Variants in CHD2 observed in about 807,000 individuals in gnomAD.
CHD2 encodes the protein ATP-dependent chromatin remodeler CHD2.
In CHD2, 28 loss-of-function variants were observed where a neutral mutation model predicts 243.9. That is an observed-to-expected ratio of 0.11 (90% CI 0.09 to 0.16). The LOEUF is 0.16. Ranked by LOEUF, CHD2 falls within the 10% of genes least tolerant of loss-of-function variation. The pLI, the probability that CHD2 is intolerant of heterozygous loss-of-function variation, is 1.00. For synonymous variants in CHD2, 775 were observed against 779.0 expected (o/e 0.99, Z 0.09); for missense variants, 1,386 against 2,209.8 (o/e 0.63, Z 7.47).
chr15:92,914,168 C>G (rs1042854124), intron 2 of CHD2, among the ~76,000 whole-genome samples: 1 of 152,226 alleles, frequency 6.6e-6, no homozygotes, highest in African/African-American at 2.4e-5. Context: ...ATTGGTCCAT[C>G]TGTCCTTAGG....
chr15:92,955,027 T>C (rs888693996), intron 14 of CHD2, among the ~76,000 whole-genome samples: 5 of 152,222 alleles, frequency 3.3e-5, no homozygotes, highest in Non-Finnish European at 7.3e-5. Flanking sequence ...TGGAATTTGT[T>C]TTACTTGTTA....
chr15:92,974,893 C>T lies in CHD2; in HGVS notation c.2520C>T (p.Ser840=), dbSNP rs1193801876. The T allele has an allele frequency of 1.2e-6, 2 of 1,613,730 alleles. No individual in the cohort carries two copies. Among genetic ancestry groups the T allele is most frequent in the Non-Finnish European group, 1.7e-6 (2 of 1,179,656 alleles). Residue 840 remains serine, a synonymous_variant, in exon 20 of 39, where the codon TCC becomes TCT. Transcript: ENST00000394196. ...TATTTTTACAGCGTCTGGATGGTTC[C>T]ATCAAGGGAGAAATCCGAAAACAGG... The part of the protein sequence containing the change: ...KHYPFQRLDG[S]IKGEIRKQAL...
intron 37 of CHD2, 112 bp downstream of exon 37, chr15:93,015,021 C>CA: frequency 2.5e-6 from 2 of 805,068 alleles, no homozygotes; most frequent in Admixed American, 2.5e-5. Flanking sequence ...TATCTTCTAA[C>CA]ACTTTATTGT....
chr15:93,000,695 A>T, intron 32 of CHD2, 55 bp downstream of exon 32: 4 of 1,533,066 alleles, frequency 2.6e-6, no homozygotes, highest in East Asian at 2.3e-5. Context: ...TATACTTATC[A>T]TGCCAGCTGG....
chr15:92,956,358 A>T (rs1465069077), intron 15 of CHD2, 101 bp from the exon 16 acceptor site: 6 of 836,188 alleles, frequency 7.2e-6, no homozygotes, highest in Non-Finnish European at 1.2e-5. Context: ...GTGTCAATTT[A>T]TACCTTTGTA....
intron 7 of CHD2, 121 bp downstream of exon 7, chr15:92,939,839 A>C (rs972636104): frequency 9.3e-7 from 1 of 1,071,310 alleles, no homozygotes; most frequent in South Asian, 1.7e-5. Flanking sequence ...TATGTCCTGA[A>C]GTTGTTTTCA....
chr15:92,927,166 C>T (rs1027688208), intron 3 of CHD2, 78 bp from the exon 4 acceptor site: 2 of 1,053,114 alleles, frequency 1.9e-6, no homozygotes, highest in Non-Finnish European at 2.9e-6. Context: ...CTTGAATTCT[C>T]TTCAATTGCA....
chr15:92,935,726 T>A (rs539339247), intron 5 of CHD2, among the ~76,000 whole-genome samples: 1 of 152,336 alleles, frequency 6.6e-6, no homozygotes, highest in Non-Finnish European at 1.5e-5. Context: ...TTCCTGGTGA[T>A]CACCTTATAT....
rs2053550310 is a variant in CHD2, at chr15:92,951,249, CA to C, written c.1503-2106del. On this transcript the variant is annotated intron_variant, in intron 13 of 38. Coordinates refer to ENST00000394196, the MANE Select transcript of CHD2 (RefSeq NM_001271.4). ...GCAGTGGCATGATCTTGGCTCACTG[CA>C]ACCTCCGATTCCCAGGTTCACGTGA... 3.3e-5 allele frequency among the ~76,000 whole-genome samples: 5 copies of C among 152,270 alleles called. No individual in the cohort carries two copies. In the South Asian group the frequency reaches 1.0e-3, roughly 32 times the overall value.
At chr15:93,016,244 AAGTG>A (rs2054458882) in intron 37 of CHD2, among the ~76,000 whole-genome samples, 1 of 152,256 alleles carries the variant, frequency 6.6e-6, no homozygotes, top group African/African-American at 2.4e-5. Context: ...TAAGTGAAAT[AAGTG>A]AGGCACAGAA....
chr15:92,949,758 C>A (rs538503766), intron 13 of CHD2, among the ~76,000 whole-genome samples: 1 of 152,186 alleles, frequency 6.6e-6, no homozygotes, highest in Non-Finnish European at 1.5e-5. Flanking sequence ...GCTTGTTCCT[C>A]GGTGCTGAAA....
In CHD2 at chr15:93,024,862, C is replaced by T. The variant is rs2054573347; in HGVS notation, c.*157C>T. ...AAGGAGCACTTCAAGGAATGGGAGG[C>T]CTTTCACTGGGTCCAGCTCTGATTC... On this transcript the variant is annotated 3_prime_UTR_variant, in exon 39 of 39. Transcript: ENST00000394196. 3.1e-6 allele frequency: 2 copies of T among 655,386 alleles called. No homozygotes were observed. The highest frequency in any genetic ancestry group is 5.6e-5 in the East Asian group (2 of 35,688). The allele number at this position is 655,386 out of a possible 1,614,324, so 40.6% of individuals were successfully genotyped here. A position where few individuals can be genotyped will look rare whatever the true frequency, so the allele number is the denominator to read the frequency against.
At chr15:92,992,075 GTACTT>G (rs1387920693) in intron 27 of CHD2, among the ~76,000 whole-genome samples, 1 of 152,130 alleles carries the variant, frequency 6.6e-6, no homozygotes, top group South Asian at 2.1e-4. Flanking sequence ...AAATGGTTCG[GTACTT>G]TACTTCCTAT....
At chr15:92,992,714 G>T (rs1291023296) in intron 27 of CHD2, 145 bp from the exon 28 acceptor site, 10 of 888,162 alleles carry the variant, frequency 1.1e-5, no homozygotes, top group Non-Finnish European at 1.5e-5. Flanking sequence ...AGGGGTTCTT[G>T]TTGGAGCCTT....
rs144407144 is a variant in CHD2 at position 92,939,872 on chromosome 15, A to G, written c.692+154A>G. Among the ~76,000 whole-genome samples, 1,224 of 152,330 alleles carry G rather than the reference A, an allele frequency of 8.0e-3. 54 individuals carry two copies. Among genetic ancestry groups the G allele is most frequent in the Admixed American group, 0.069 (1,048 of 15,298 alleles). On this transcript the variant is annotated intron_variant, in intron 7 of 38. Coordinates refer to ENST00000394196, the MANE Select transcript of CHD2 (RefSeq NM_001271.4). ...TCAGAAATCTGGTTAGCTTTCTTGC[A>G]AAAAGAGTGGTATTGAGCCAAGGGG...
chr15:92,985,928 A>G (rs2054036604), intron 26 of CHD2, among the ~76,000 whole-genome samples: 2 of 152,194 alleles, frequency 1.3e-5, no homozygotes, highest in Non-Finnish European at 2.9e-5. Flanking sequence ...ACATTTTCAC[A>G]AAGTTCAGCT....
chr15:92,904,542 C>G (rs2052583705), intron 2 of CHD2: 1 of 1,001,706 alleles, frequency 1.0e-6, no homozygotes, highest in East Asian at 1.0e-4. Flanking sequence ...GGCTTCTTTC[C>G]TGGACGCGTT....
chr15:92,904,641 CTT>C (rs1255574554), intron 2 of CHD2: 7 of 1,253,810 alleles, frequency 5.6e-6, no homozygotes, highest in Middle Eastern at 2.2e-4. Flanking sequence ...GGTTTATCCT[CTT>C]TGAGAAGCGG....
intron 36 of CHD2, among the ~76,000 whole-genome samples, chr15:93,013,572 T>C (rs1235418764): frequency 6.6e-6 from 1 of 152,100 alleles, no homozygotes; most frequent in African/African-American, 2.4e-5. Context: ...AGGAATTTAG[T>C]TTTGAGAAGG....
Sources: allele counts gnomAD v4.1 joint callset (sites outside exome capture counted in the v4.1 genomes callset), GRCh38; gene constraint gnomAD v4.1.1; transcripts MANE v1.5; gene names NCBI Gene and HGNC (gene_info 2026-07-23, HGNC 2026-07-21).